Variants in HIP1 observed in about 807,000 individuals in gnomAD.
The protein encoded by HIP1 is huntingtin-interacting protein 1.
HIP1 carries 65 observed loss-of-function variants against 147.6 expected under a neutral mutation model. The ratio of observed to expected loss-of-function variants is 0.44; its 90% CI spans 0.36 to 0.54. The LOEUF (loss-of-function observed/expected upper bound fraction) is 0.54, where lower values mean the gene tolerates loss of function less well. HIP1 is among the 20% of genes least tolerant of loss of function. HIP1 has a pLI of 0.00. For synonymous variants in HIP1, 479 were observed against 504.0 expected, an observed-to-expected ratio of 0.95 and a Z score of 0.67; for missense variants, 1,061 against 1,299.6, an observed-to-expected ratio of 0.82 and a Z score of 2.82.
chr7:75,559,699 C>CGGGGGGCG, intron 14 of HIP1, 33 bp downstream of exon 14: 1 of 1,226,538 alleles, frequency 8.2e-7, no homozygotes, highest in Non-Finnish European at 1.1e-6. Context: ...CGCCTGCCCC[C>CGGGGGGCG]GGGGCCCGCC....
chr7:75,575,576 A>G (rs1223560776), intron 7 of HIP1, among the ~76,000 whole-genome samples: 3 of 152,182 alleles, frequency 2.0e-5, no homozygotes, highest in Non-Finnish European at 4.4e-5. Flanking sequence ...GTCAACAAAA[A>G]TAGAAGTCTT....
intron 1 of HIP1, among the ~76,000 whole-genome samples, chr7:75,605,063 G>A (rs587642054): frequency 7.2e-5 from 11 of 152,284 alleles, no homozygotes; most frequent in African/African-American, 2.6e-4. Context: ...AAAGGGAAAG[G>A]AGGGATAACT....
At chr7:75,549,039 C>T (rs1794680114) in intron 22 of HIP1, 38 bp from the exon 23 acceptor site, 13 of 1,408,910 alleles carry the variant, frequency 9.2e-6, no homozygotes, top group Non-Finnish European at 1.3e-5. Context: ...GACCTTGGGG[C>T]CTCCTGTCTC....
chr7:75,574,931 G>C (rs587680511), intron 7 of HIP1, among the ~76,000 whole-genome samples: 3 of 152,098 alleles, frequency 2.0e-5, no homozygotes, highest in East Asian at 3.9e-4. Flanking sequence ...AGGCCGAGGT[G>C]GGGGGACTGC....
intron 1 of HIP1, among the ~76,000 whole-genome samples, chr7:75,624,916 C>T (rs1446807572): frequency 1.3e-5 from 2 of 151,270 alleles, no homozygotes; most frequent in African/African-American, 2.4e-5. Context: ...TGTGTCTGTA[C>T]ATAGGTGTAT....
At chr7:75,566,669 T>G (rs1457437861) in intron 9 of HIP1, among the ~76,000 whole-genome samples, 4 of 151,326 alleles carry the variant, frequency 2.6e-5, no homozygotes. Context: ...GCCCAAGCCC[T>G]GCCTCCAGAG....
At chr7:75,649,674 T>A (rs1798910359) in intron 1 of HIP1, among the ~76,000 whole-genome samples, 1 of 152,130 alleles carries the variant, frequency 6.6e-6, no homozygotes, top group Admixed American at 6.6e-5. Context: ...GGCTGTGATG[T>A]GTAGCCAAGA....
intron 1 of HIP1, among the ~76,000 whole-genome samples, chr7:75,709,109 C>CTTTTTTTTTTTTTTTTTTCTT (rs55720152): frequency 2.3e-5 from 3 of 131,438 alleles, no homozygotes; most frequent in African/African-American, 5.7e-5. Flanking sequence ...TTTTTCTTTT[C>CTTTTTTTTTTTTTTTTTTCTT]TTTTTTTTTT....
chr7:75,543,017 C>A, intron 27 of HIP1, 43 bp from the exon 28 acceptor site: 14 of 1,577,540 alleles, frequency 8.9e-6, no homozygotes, highest in Non-Finnish European at 1.2e-5. Context: ...ACACCTAGAG[C>A]AACAAGGACT....
At chr7:75,641,490 T>C (rs1554510485) in intron 1 of HIP1, among the ~76,000 whole-genome samples, 1 of 113,346 alleles carries the variant, frequency 8.8e-6, no homozygotes. Context: ...TGCTCCTTGT[T>C]TGCTTTTTTT....
At chr7:75,696,316 T>C (rs1417257867) in intron 1 of HIP1, among the ~76,000 whole-genome samples, 1 of 152,094 alleles carries the variant, frequency 6.6e-6, no homozygotes, top group East Asian at 1.9e-4. Flanking sequence ...TTCCAAAATG[T>C]GTTAAAATAC....
At chr7:75,538,345 A>G (rs1310115150) in intron 30 of HIP1, 121 bp from the exon 31 acceptor site, 3 of 796,540 alleles carry the variant, frequency 3.8e-6, no homozygotes, top group Non-Finnish European at 6.7e-6. Context: ...TGGTGTAATC[A>G]CATAGTCCCC....
chr7:75,610,724 C>G (rs1554504730), intron 1 of HIP1, among the ~76,000 whole-genome samples: 1 of 151,484 alleles, frequency 6.6e-6, no homozygotes, highest in African/African-American at 2.4e-5. Flanking sequence ...AGGTAGAGGC[C>G]AGGCATGGTG....
intron 17 of HIP1, 138 bp from the exon 18 acceptor site, chr7:75,556,307 CG>C: frequency 9.3e-7 from 1 of 1,072,510 alleles, no homozygotes; most frequent in Non-Finnish European, 1.3e-6. Flanking sequence ...GATTCCCTCC[CG>C]GGGACACACT....
At chr7:75,582,342 C>T (rs1026716137) in intron 5 of HIP1, among the ~76,000 whole-genome samples, 191 bp from the exon 6 acceptor site, 2 of 152,040 alleles carry the variant, frequency 1.3e-5, no homozygotes, top group African/African-American at 4.8e-5. Context: ...TGAGACCCTA[C>T]CTCAAAACAA....
chr7:75,595,255 C>CTTTTTCTTT (rs1491555852), intron 2 of HIP1, among the ~76,000 whole-genome samples: 7 of 68,312 alleles, frequency 1.0e-4, no homozygotes, highest in Non-Finnish European at 2.2e-4. Context: ...TTTCTTTCTT[C>CTTTTTCTTT]CTTCCTTCCT....
At chr7:75,699,785 C>G (rs912007242) in intron 1 of HIP1, among the ~76,000 whole-genome samples, 1 of 152,184 alleles carries the variant, frequency 6.6e-6, no homozygotes, top group Non-Finnish European at 1.5e-5. Context: ...AGCTTCTCTT[C>G]TCTTTTCCGT....
chr7:75,553,675 G>A (rs760498339), intron 21 of HIP1, 86 bp from the exon 22 acceptor site: 20 of 1,284,212 alleles, frequency 1.6e-5, no homozygotes, highest in African/African-American at 4.4e-5. Flanking sequence ...GCGCCATCTC[G>A]GCTCACTGCA....
In HIP1 at chr7:75,537,119, C is replaced by T. The variant is rs377595607; in HGVS notation, c.*1053G>A. ...GAGACCATTCACGGACAGTTCATTC[C>T]GGCAGGGAAGTAGTGTTGTTGATCT... On this transcript the variant is annotated 3_prime_UTR_variant, in exon 31 of 31. Coordinates refer to ENST00000336926, the MANE Select transcript of HIP1 (RefSeq NM_005338.7). 5.6e-5 allele frequency: 13 copies of T among 232,564 alleles called. No homozygotes were observed. Among genetic ancestry groups the T allele is most frequent in the East Asian group, 3.0e-4 (5 of 16,484 alleles). 14.4% of individuals were successfully genotyped at this position (232,564 alleles called of 1,614,324 possible). A position where few individuals can be genotyped will look rare whatever the true frequency, so the allele number is the denominator to read the frequency against.
Sources: gnomAD v4.1 joint callset for allele counts (sites outside exome capture counted in the v4.1 genomes callset) on GRCh38, gnomAD v4.1.1 for gene constraint, MANE v1.5 for transcripts, NCBI Gene and HGNC (gene_info 2026-07-23, HGNC 2026-07-21) for gene names.